PTPRM: variants seen among roughly 807,000 people sequenced by gnomAD.
PTPRM encodes receptor-type tyrosine-protein phosphatase mu.
Under a neutral mutation model 186.7 loss-of-function variants are expected in PTPRM, and 47 were observed. The ratio of observed to expected loss-of-function variants is 0.25; its 90% CI spans 0.20 to 0.32. The LOEUF (loss-of-function observed/expected upper bound fraction) is 0.32. Ranked by LOEUF, PTPRM falls within the 10% of genes least tolerant of loss-of-function variation. The probability of loss-of-function intolerance (pLI) is 1.00; values close to 1 mark genes in which losing one functional copy is unlikely to be tolerated. For missense variants in PTPRM, 1,494 were observed against 1,865.0 expected, an observed-to-expected ratio of 0.80 and a Z score of 3.66; for synonymous variants, 668 against 674.9, an observed-to-expected ratio of 0.99 and a Z score of 0.16.
chr18:7,941,939 A>G (rs2052202279), intron 5 of PTPRM, among the ~76,000 whole-genome samples: 1 of 152,238 alleles, frequency 6.6e-6, no homozygotes, highest in Admixed American at 6.5e-5. Flanking sequence ...CACAAGGTTT[A>G]TGGCTGAAAT....
chr18:8,076,488 G>C lies in PTPRM; in HGVS notation c.1475G>C (p.Gly492Ala). The C allele has an allele frequency of 6.2e-7, 1 of 1,609,912 alleles. No individual in the cohort carries two copies. Among genetic ancestry groups the C allele is most frequent in the South Asian group, 1.1e-5 (1 of 90,816 alleles). ...GCTGTTCCCACTGAATCCATACAAG[G>C]AAGTACCTTTGAAGAGAAGATATTT... ...PGAVPTESIQ[G>A]STFEEKIFLQ... The change falls in exon 9 of 33, where the codon GGA becomes GCA. Residue 492 changes from glycine (G) to alanine (A), a missense_variant. Gly to Ala is a moderately conservative substitution (Grantham distance 60). This residue lies in a region of PTPRM where 1,107 missense variants were observed against 1,350.2 expected (regional missense o/e 0.82). Transcript: ENST00000580170.
intron 19 of PTPRM, 102 bp downstream of exon 19, chr18:8,253,516 C>T (rs2094548418): frequency 1.8e-6 from 2 of 1,091,232 alleles, no homozygotes; most frequent in Non-Finnish European, 2.4e-6. Flanking sequence ...AACCCCCTGC[C>T]CCGAGAGATG....
At chr18:8,166,383 T>G (rs1290832085) in intron 14 of PTPRM, among the ~76,000 whole-genome samples, 1 of 152,166 alleles carries the variant, frequency 6.6e-6, no homozygotes, top group African/African-American at 2.4e-5. Context: ...GAATTTTGCC[T>G]CTCTCCCCAT....
intron 15 of PTPRM, 88 bp downstream of exon 15, chr18:8,244,297 AGCTTCCT>A: frequency 8.7e-6 from 11 of 1,265,412 alleles, no homozygotes; most frequent in Non-Finnish European, 1.2e-5. Flanking sequence ...AAAAAAAAAA[AGCTTCCT>A]GAAGAAATTT....
intron 7 of PTPRM, among the ~76,000 whole-genome samples, chr18:8,047,325 CAATT>C (rs1245189975): frequency 6.6e-6 from 1 of 151,898 alleles, no homozygotes; most frequent in Non-Finnish European, 1.5e-5. Flanking sequence ...GGCAAATAAA[CAATT>C]AAAAATGAAA....
At chr18:7,697,726 C>T (rs946591312) in intron 1 of PTPRM, among the ~76,000 whole-genome samples, 4 of 152,166 alleles carry the variant, frequency 2.6e-5, no homozygotes, top group African/African-American at 4.8e-5. Flanking sequence ...TCTAGAGAGG[C>T]TACACCAACC....
chr18:8,093,918 T>C (rs1210168574), intron 11 of PTPRM, among the ~76,000 whole-genome samples: 1 of 152,194 alleles, frequency 6.6e-6, no homozygotes, highest in Non-Finnish European at 1.5e-5. Flanking sequence ...CCTTTAAGTA[T>C]ATGAATCTCT....
chr18:8,006,689 G>A (rs532283032), intron 7 of PTPRM, among the ~76,000 whole-genome samples: 106 of 152,290 alleles, frequency 7.0e-4, no homozygotes, highest in African/African-American at 2.2e-3. Flanking sequence ...CTGCTGTGGT[G>A]TGCTGGGTCC....
intron 7 of PTPRM, among the ~76,000 whole-genome samples, chr18:7,997,197 G>A (rs1029781978): frequency 3.9e-5 from 6 of 152,090 alleles, no homozygotes; most frequent in Non-Finnish European, 7.4e-5. Context: ...CAGACACATA[G>A]ACCAACGGAA....
intron 1 of PTPRM, among the ~76,000 whole-genome samples, chr18:7,741,125 A>G (rs747000556): frequency 6.6e-6 from 1 of 152,194 alleles, no homozygotes; most frequent in African/African-American, 2.4e-5. Flanking sequence ...TTCTGAGCCT[A>G]CATTTTTATA....
At chr18:8,154,168 C>T (rs962765442) in intron 14 of PTPRM, among the ~76,000 whole-genome samples, 2 of 152,040 alleles carry the variant, frequency 1.3e-5, no homozygotes, top group Admixed American at 6.6e-5. Context: ...ACAGGAGGCC[C>T]TCAATTAAAA....
chr18:7,628,580 CTTTAA>C (rs1035366272), intron 1 of PTPRM, among the ~76,000 whole-genome samples: 3 of 152,114 alleles, frequency 2.0e-5, no homozygotes, highest in Non-Finnish European at 4.4e-5. Context: ...CAAGAATGTG[CTTTAA>C]TTTAAAGGAA....
intron 31 of PTPRM, among the ~76,000 whole-genome samples, chr18:8,387,733 G>GGA (rs146469348): frequency 0.04 from 3,094 of 77,258 alleles, 38 homozygotes; most frequent in Middle Eastern, 0.087. Context: ...CAAAGGACCT[G>GGA]GAGTGTGTGT....
intron 1 of PTPRM, among the ~76,000 whole-genome samples, chr18:7,661,119 T>C (rs2038971091): frequency 1.3e-5 from 2 of 152,354 alleles, no homozygotes; most frequent in Admixed American, 6.5e-5. Context: ...GGAAAAATGA[T>C]GAAGAGGCAA....
At chr18:7,939,967 T>A (rs1377109646) in intron 5 of PTPRM, among the ~76,000 whole-genome samples, 2 of 152,212 alleles carry the variant, frequency 1.3e-5, no homozygotes, top group Admixed American at 6.5e-5. Flanking sequence ...TGTGGGTTTC[T>A]AGATGCTCAG....
intron 20 of PTPRM, among the ~76,000 whole-genome samples, chr18:8,302,684 G>A (rs944002325): frequency 6.6e-6 from 1 of 152,100 alleles, no homozygotes; most frequent in Non-Finnish European, 1.5e-5. Context: ...ATGGGAGACA[G>A]GGTGAGGAAG....
In PTPRM at chr18:7,948,285, G is replaced by T. The variant is rs112396688; in HGVS notation, c.664-896G>T. On this transcript the variant is annotated intron_variant, in intron 5 of 32. Transcript: ENST00000580170. ...TGTGTGTGTATATATATTATATATAGAGAGAGAGAGAAAGAGAGAGAGAAG... is the reference window on the plus strand; with the variant it reads ...TGTGTGTGTATATATATTATATATATAGAGAGAGAGAAAGAGAGAGAGAAG... Among the ~76,000 whole-genome samples, 1,130 of 151,650 alleles carry T rather than the reference G, an allele frequency of 7.5e-3. 13 individuals are homozygous for T. Among genetic ancestry groups the T allele is most frequent in the African/African-American group, 0.024 (1,008 of 41,318 alleles).
chr18:7,926,164 A>T (rs917527414), intron 4 of PTPRM, among the ~76,000 whole-genome samples: 3 of 152,166 alleles, frequency 2.0e-5, no homozygotes, highest in Admixed American at 2.0e-4. Context: ...ACATCATTTA[A>T]CTTCTTACTG....
intron 20 of PTPRM, among the ~76,000 whole-genome samples, chr18:8,307,542 A>C (rs1471316271): frequency 1.3e-5 from 2 of 152,168 alleles, no homozygotes; most frequent in African/African-American, 4.8e-5. Flanking sequence ...GGTGGCTCAC[A>C]CCTGTAATCT....
Sources: allele counts gnomAD v4.1 joint callset (sites outside exome capture counted in the v4.1 genomes callset), GRCh38; gene constraint gnomAD v4.1.1; regional missense constraint gnomAD v4.1.1; transcripts MANE v1.5; gene names NCBI Gene and HGNC (gene_info 2026-07-23, HGNC 2026-07-21).